The following DLG2 variants were observed in gnomAD, a reference collection of about 807,000 sequenced individuals.
The protein encoded by DLG2 is disks large homolog 2.
DLG2 carries 45 observed loss-of-function variants against 132.5 expected under a neutral mutation model. That is an observed-to-expected ratio of 0.34 (90% CI 0.27 to 0.44). DLG2 has a LOEUF of 0.44. DLG2 is among the 20% of genes least tolerant of loss of function. The probability of loss-of-function intolerance (pLI) is 1.00; values close to 1 mark genes in which losing one functional copy is unlikely to be tolerated. For missense variants in DLG2, 1,045 were observed against 1,196.9 expected (o/e 0.87, Z 1.87); for synonymous variants, 424 against 419.6 (o/e 1.01, Z -0.13).
intron 6 of DLG2, among the ~76,000 whole-genome samples, chr11:84,951,422 G>T (rs1008253226): frequency 6.6e-6 from 1 of 151,936 alleles, no homozygotes; most frequent in African/African-American, 2.4e-5. Flanking sequence ...AAATTAAATG[G>T]CAAACACTTG....
rs755686780 is a variant in DLG2, at chr11:83,459,884, T to C, written c.2862A>G (p.Gln954=). The C allele has an allele frequency of 1.6e-5, 25 of 1,610,658 alleles. No individual in the cohort carries two copies. Among genetic ancestry groups the C allele is most frequent in the East Asian group, 1.1e-4 (5 of 44,864 alleles). ...ATTGCTCTTCAATAACAAGCTTGCA[T>C]TGGTTATATATATCTTCTAAAGTAT... ...QGDTLEDIYN[Q]CKLVIEEQSG... The change falls in exon 28 of 28, where the codon CAA becomes CAG. Residue 954 remains glutamine (Q), a synonymous_variant. Transcript: ENST00000376104.
chr11:83,893,279 C>A (rs1170173469), intron 15 of DLG2, among the ~76,000 whole-genome samples: 1 of 152,204 alleles, frequency 6.6e-6, no homozygotes, highest in Admixed American at 6.5e-5. Flanking sequence ...TTGCCCAACT[C>A]ACAGAAAACC....
chr11:85,527,719 G>A (rs1054809915), intron 3 of DLG2, among the ~76,000 whole-genome samples: 2 of 152,012 alleles, frequency 1.3e-5, no homozygotes, highest in African/African-American at 4.8e-5. Flanking sequence ...CCCATTAATG[G>A]GATTGCTGGG....
chr11:84,999,519 C>A (rs1268570158), intron 6 of DLG2, among the ~76,000 whole-genome samples: 3 of 151,992 alleles, frequency 2.0e-5, no homozygotes, highest in Non-Finnish European at 4.4e-5. Flanking sequence ...TAAAAATGAG[C>A]AATAGGCTCT....
intron 7 of DLG2, among the ~76,000 whole-genome samples, chr11:84,399,251 C>T (rs1270989620): frequency 6.6e-6 from 1 of 152,038 alleles, no homozygotes; most frequent in African/African-American, 2.4e-5. Context: ...ACCTTTAACC[C>T]TCCTGAGAAG....
At chr11:84,414,680 A>T (rs7101978) in intron 7 of DLG2, among the ~76,000 whole-genome samples, 1 of 152,028 alleles carries the variant, frequency 6.6e-6, no homozygotes, top group African/African-American at 2.4e-5. Context: ...GAGAAAATAA[A>T]ACAGATATAA....
intron 6 of DLG2, among the ~76,000 whole-genome samples, chr11:84,831,496 C>G (rs1403175794): frequency 2.6e-5 from 4 of 151,610 alleles, no homozygotes; most frequent in Non-Finnish European, 5.9e-5. Flanking sequence ...CAAGATCACA[C>G]AGCAAGTAAG....
chr11:85,407,368 TG>T (rs1206047887), intron 3 of DLG2, among the ~76,000 whole-genome samples: 2 of 151,854 alleles, frequency 1.3e-5, no homozygotes, highest in Non-Finnish European at 2.9e-5. Context: ...TAAAGAATAA[TG>T]GTTAAAACTT....
intron 8 of DLG2, among the ~76,000 whole-genome samples, chr11:84,248,324 T>C (rs1186331599): frequency 6.6e-6 from 1 of 152,110 alleles, no homozygotes; most frequent in Non-Finnish European, 1.5e-5. Context: ...TGTTTATTTT[T>C]TTTTTCAAAA....
intron 6 of DLG2, among the ~76,000 whole-genome samples, chr11:84,776,164 T>C (rs999538584): frequency 6.6e-6 from 1 of 152,154 alleles, no homozygotes; most frequent in Non-Finnish European, 1.5e-5. Flanking sequence ...CTTTTTGTTG[T>C]TGTTGTTTGA....
intron 17 of DLG2, among the ~76,000 whole-genome samples, chr11:83,823,874 G>C (rs1297338916): frequency 6.6e-6 from 1 of 151,870 alleles, no homozygotes; most frequent in Non-Finnish European, 1.5e-5. Context: ...TCTTTTTTTA[G>C]GCATTTATGC....
At chr11:85,162,524 C>T (rs970807400) in intron 4 of DLG2, among the ~76,000 whole-genome samples, 2 of 152,188 alleles carry the variant, frequency 1.3e-5, no homozygotes, top group African/African-American at 4.8e-5. Flanking sequence ...TGAGTATTCC[C>T]TCCTACTTTT....
chr11:85,042,726 A>G (rs2061985510), intron 6 of DLG2, among the ~76,000 whole-genome samples: 1 of 151,982 alleles, frequency 6.6e-6, no homozygotes, highest in African/African-American at 2.4e-5. Flanking sequence ...TCTGTCATGT[A>G]TGATATATTT....
At chr11:84,705,764 T>C (rs559805745) in intron 6 of DLG2, among the ~76,000 whole-genome samples, 35 of 151,914 alleles carry the variant, frequency 2.3e-4, no homozygotes, top group African/African-American at 6.7e-4. Context: ...AGAAATTATA[T>C]GCAGATAAAA....
rs2080308214 is a variant in DLG2, at chr11:85,188,708, T to A, written c.187-34057A>T. On this transcript the variant is annotated intron_variant, in intron 4 of 27. Transcript: ENST00000376104. ...AGTGGAAATTCTGAAGTATAACATT[T>A]AATAACTGAAATTTAAAACTCACTA... Among the ~76,000 whole-genome samples, 4 of 152,274 alleles carry A rather than the reference T, an allele frequency of 2.6e-5. No individual in the cohort carries two copies. The South Asian group carries it at 8.3e-4, about 32-fold the overall frequency.
At position 84,896,678 on chromosome 11, in the gene DLG2, C is replaced by T. The variant is rs1041926522; in HGVS notation, c.357+214983G>A. 5.3e-5 allele frequency among the ~76,000 whole-genome samples: 8 copies of T among 151,852 alleles called. No homozygotes were observed. In the East Asian group the frequency reaches 9.6e-4, roughly 18 times the overall value. The stretch of plus-strand genomic sequence containing the variant: ...GTTTTGTATTCCATGGTGTCAGTTA[C>T]GTACAGTCAACTCTGGTCAGAAAAT... On this transcript the variant is annotated intron_variant, in intron 6 of 27. Transcript: ENST00000376104.
intron 7 of DLG2, among the ~76,000 whole-genome samples, chr11:84,476,205 A>G (rs1005816108): frequency 2.0e-5 from 3 of 152,116 alleles, no homozygotes; most frequent in Non-Finnish European, 2.9e-5. Context: ...CAGCAGTTCA[A>G]CTCACATCTA....
At chr11:84,180,725 T>C (rs1198381456) in intron 8 of DLG2, among the ~76,000 whole-genome samples, 2 of 152,034 alleles carry the variant, frequency 1.3e-5, no homozygotes, top group African/African-American at 2.4e-5. Flanking sequence ...ATAAAAATTA[T>C]ATCTGAACCC....
rs563229701 is a variant in DLG2 at position 84,310,005 on chromosome 11, C to T, written c.520-58714G>A. 3.3e-5 allele frequency among the ~76,000 whole-genome samples: 5 copies of T among 152,162 alleles called. 1 individual carries two copies. The highest frequency in any genetic ancestry group is 1.2e-4 in the African/African-American group (5 of 41,510). ...GCTTCAGATCTACATAGTTCTTAAC[C>T]ATAATAAAGGAGGGAAGCGATCTTC... On this transcript the variant is annotated intron_variant, in intron 7 of 27. Coordinates refer to ENST00000376104, the MANE Select transcript of DLG2 (RefSeq NM_001142699.3).
Sources: allele counts gnomAD v4.1 joint callset (sites outside exome capture counted in the v4.1 genomes callset), GRCh38; gene constraint gnomAD v4.1.1; transcripts MANE v1.5; gene names NCBI Gene and HGNC (gene_info 2026-07-23, HGNC 2026-07-21).